HIBADH: variants seen among roughly 807,000 people sequenced by gnomAD.
The protein encoded by HIBADH is 3-hydroxyisobutyrate dehydrogenase, mitochondrial.
HIBADH carries 25 observed loss-of-function variants against 36.1 expected under a neutral mutation model. The ratio of observed to expected loss-of-function variants is 0.69; its 90% CI spans 0.50 to 0.97. HIBADH has a LOEUF of 0.97. Ranked by LOEUF, HIBADH falls within the 50% of genes least tolerant of loss-of-function variation. HIBADH has a pLI of 0.00. For synonymous variants in HIBADH, 160 were observed against 149.5 expected (o/e 1.07, Z -0.51); for missense variants, 421 against 418.0 (o/e 1.01, Z -0.06).
intron 1 of HIBADH, among the ~76,000 whole-genome samples, chr7:27,651,761 G>C (rs1186671449): frequency 6.6e-6 from 1 of 152,162 alleles, no homozygotes; most frequent in Non-Finnish European, 1.5e-5. Context: ...GAAGGTAAGA[G>C]ACACAGTCCT....
At chr7:27,639,446 G>A (rs1300106734) in intron 2 of HIBADH, among the ~76,000 whole-genome samples, 2 of 152,058 alleles carry the variant, frequency 1.3e-5, no homozygotes, top group African/African-American at 2.4e-5. Flanking sequence ...TGAGGGGGGA[G>A]GGAGGGACAG....
At chr7:27,629,587 T>C in intron 3 of HIBADH, 95 bp from the exon 4 acceptor site, 2 of 779,788 alleles carry the variant, frequency 2.6e-6, no homozygotes, top group Non-Finnish European at 3.8e-6. Context: ...AAAGCTGCCA[T>C]ATATCAAGGA....
chr7:27,658,451 G>A (rs147298328), intron 1 of HIBADH, among the ~76,000 whole-genome samples: 7 of 152,208 alleles, frequency 4.6e-5, no homozygotes, highest in South Asian at 2.1e-4. Flanking sequence ...CAAATTTACC[G>A]ATTATGACCT....
intron 5 of HIBADH, among the ~76,000 whole-genome samples, chr7:27,540,875 G>A (rs1436990112): frequency 1.3e-5 from 2 of 152,202 alleles, no homozygotes; most frequent in Non-Finnish European, 2.9e-5. Context: ...CCTGACTCCA[G>A]AGACAAAGCC....
intron 1 of HIBADH, among the ~76,000 whole-genome samples, chr7:27,655,327 T>A (rs1246053201): frequency 6.6e-6 from 1 of 152,318 alleles, no homozygotes; most frequent in African/African-American, 2.4e-5. Context: ...TTTGGTTACA[T>A]AGGAGAATAT....
intron 4 of HIBADH, among the ~76,000 whole-genome samples, chr7:27,549,487 T>C (rs1047823078): frequency 6.6e-6 from 1 of 152,172 alleles, no homozygotes; most frequent in Non-Finnish European, 1.5e-5. Flanking sequence ...ATCTCAAATA[T>C]AGATCTGAGT....
At position 27,525,519 on chromosome 7, in the gene HIBADH, TATC is replaced by T. The variant is rs1241237072; in HGVS notation, c.*692_*694del. 5 of 152,074 alleles carry T rather than the reference TATC, an allele frequency of 3.3e-5. No homozygotes were observed. Among genetic ancestry groups the T allele is most frequent in the Non-Finnish European group, 7.3e-5 (5 of 68,028 alleles). The allele number at this position is 152,074 out of a possible 1,614,324, so 9.4% of individuals were successfully genotyped here. ...TAATATAATAATTATCTAAAGCAAA[TATC>T]ATCATTGGCTCTGAAATGCATCTAA... On this transcript the variant is annotated 3_prime_UTR_variant, in exon 8 of 8. Coordinates refer to ENST00000265395, the MANE Select transcript of HIBADH (RefSeq NM_152740.4).
intron 4 of HIBADH, among the ~76,000 whole-genome samples, chr7:27,562,177 AGTT>A (rs1365934204): frequency 6.6e-6 from 1 of 151,360 alleles, no homozygotes. Flanking sequence ...TTGATTCAGG[AGTT>A]GTTTCTGTTT....
intron 7 of HIBADH, 50 bp from the exon 8 acceptor site, chr7:27,526,422 T>G: frequency 2.7e-6 from 4 of 1,491,220 alleles, no homozygotes; most frequent in Non-Finnish European, 3.6e-6. Flanking sequence ...GTAAAGGCTC[T>G]TTGGAACTGT....
At chr7:27,637,911 A>G (rs1380019385) in intron 2 of HIBADH, among the ~76,000 whole-genome samples, 2 of 152,200 alleles carry the variant, frequency 1.3e-5, no homozygotes, top group African/African-American at 4.8e-5. Flanking sequence ...CAAGAATTAC[A>G]AAATACTACT....
chr7:27,642,644 T>C (rs1785980704), intron 2 of HIBADH, among the ~76,000 whole-genome samples: 1 of 7,840 alleles, frequency 1.3e-4, no homozygotes, highest in Non-Finnish European at 1.9e-4. Context: ...AATGTCTAGT[T>C]TTTTTTTTTT....
At chr7:27,613,665 G>GTTTTT (rs66518612) in intron 4 of HIBADH, among the ~76,000 whole-genome samples, 47 of 107,078 alleles carry the variant, frequency 4.4e-4, no homozygotes, top group African/African-American at 1.5e-3. Flanking sequence ...GGTTTTTTTT[G>GTTTTT]TTTTTTTTTT....
chr7:27,562,276 A>AAAAGTTAAT (rs1784479014), intron 4 of HIBADH, among the ~76,000 whole-genome samples: 1 of 152,184 alleles, frequency 6.6e-6, no homozygotes, highest in Non-Finnish European at 1.5e-5. Flanking sequence ...AGTTAAACTG[A>AAAAGTTAAT]AAAGTTAATC....
intron 4 of HIBADH, among the ~76,000 whole-genome samples, chr7:27,561,302 G>A (rs1018724814): frequency 2.6e-5 from 4 of 152,046 alleles, no homozygotes; most frequent in Non-Finnish European, 4.4e-5. Flanking sequence ...TGCTGCAGCT[G>A]CATCCCAGTT....
intron 4 of HIBADH, among the ~76,000 whole-genome samples, chr7:27,612,947 A>AAT (rs1286798856): frequency 7.2e-6 from 1 of 139,856 alleles, no homozygotes. Flanking sequence ...TCTCCAAAAA[A>AAT]ATATATATAT....
At chr7:27,561,470 C>A (rs531824092) in intron 4 of HIBADH, among the ~76,000 whole-genome samples, 1 of 152,190 alleles carries the variant, frequency 6.6e-6, no homozygotes, top group Admixed American at 6.5e-5. Context: ...TTGTAGTCAA[C>A]AATGTAGTCA....
At chr7:27,565,354 C>T (rs933872068) in intron 4 of HIBADH, among the ~76,000 whole-genome samples, 2 of 152,194 alleles carry the variant, frequency 1.3e-5, no homozygotes, top group South Asian at 2.1e-4. Flanking sequence ...TGGTGTGACA[C>T]GGCCCCTCCT....
chr7:27,587,939 G>C (rs572846631), intron 4 of HIBADH, among the ~76,000 whole-genome samples: 41 of 152,306 alleles, frequency 2.7e-4, no homozygotes, highest in Admixed American at 8.5e-4. Context: ...CATGAGTAGA[G>C]TATAGCAGTT....
At chr7:27,557,395 T>C (rs1784405686) in intron 4 of HIBADH, among the ~76,000 whole-genome samples, 1 of 152,220 alleles carries the variant, frequency 6.6e-6, no homozygotes, top group African/African-American at 2.4e-5. Flanking sequence ...AGTACTATTC[T>C]AGACCTCAGA....
Sources: gnomAD v4.1 joint callset for allele counts (sites outside exome capture counted in the v4.1 genomes callset) on GRCh38, gnomAD v4.1.1 for gene constraint, MANE v1.5 for transcripts, NCBI Gene and HGNC (gene_info 2026-07-23, HGNC 2026-07-21) for gene names.